ZFAT: variants seen among roughly 807,000 people sequenced by gnomAD.
The protein encoded by ZFAT is zinc finger protein ZFAT.
In ZFAT, 64 loss-of-function variants were observed where a neutral mutation model predicts 117.7. The observed-to-expected ratio is 0.54, with a 90% CI of 0.44 to 0.67. The LOEUF is 0.67. ZFAT is among the 30% of genes least tolerant of loss of function. The pLI, the probability that ZFAT is intolerant of heterozygous loss-of-function variation, is 0.00. For missense variants in ZFAT, 1,433 were observed against 1,584.5 expected, an observed-to-expected ratio of 0.90 and a Z score of 1.62; for synonymous variants, 679 against 615.0, an observed-to-expected ratio of 1.10 and a Z score of -1.54.
intron 9 of ZFAT, among the ~76,000 whole-genome samples, chr8:134,586,342 C>T (rs1826067022): frequency 6.6e-6 from 1 of 152,224 alleles, no homozygotes; most frequent in South Asian, 2.1e-4. Flanking sequence ...ATGTGCTAAG[C>T]CTTCTACTGA....
At chr8:134,751,128 A>G in the ZFAT span, among the ~76,000 whole-genome samples, 1 of 152,146 alleles carries the variant, frequency 6.6e-6, no homozygotes, top group Non-Finnish European at 1.5e-5. Context: ...AGCAGGAAAG[A>G]GCAGAACATG....
intron 3 of ZFAT, among the ~76,000 whole-genome samples, chr8:134,617,643 G>A (rs1828838756): frequency 6.6e-6 from 1 of 152,108 alleles, no homozygotes; most frequent in South Asian, 2.1e-4. Context: ...AAGGAATGCT[G>A]TCTACACTAC....
chr8:134,799,800 T>C, the ZFAT span, among the ~76,000 whole-genome samples: 6 of 152,312 alleles, frequency 3.9e-5, no homozygotes, highest in Non-Finnish European at 5.9e-5. Context: ...ATCATCTTTA[T>C]TGCAAAAATA....
chr8:134,732,412 G>A, the ZFAT span, among the ~76,000 whole-genome samples: 1 of 152,304 alleles, frequency 6.6e-6, no homozygotes, highest in East Asian at 1.9e-4. Flanking sequence ...TGATGAGGAA[G>A]GGGCTTGTCA....
the ZFAT span, among the ~76,000 whole-genome samples, chr8:134,764,323 T>C: frequency 6.6e-6 from 1 of 152,194 alleles, no homozygotes; most frequent in East Asian, 1.9e-4. Context: ...CAAATCTTTG[T>C]TTTGAAGGTT....
rs1308578247 is a variant in ZFAT at position 134,637,590 on chromosome 8, C to T, written c.319G>A (p.Glu107Lys). The change falls in exon 3 of 16, where the codon GAA (glutamate) becomes AAA (lysine). Residue 107 changes from glutamate (E) to lysine (K), a missense_variant. Around this residue, in one of 5 missense-constraint regions of ZFAT, gnomAD observed 436 missense variants for 482.0 expected, o/e 0.90. Coordinates refer to ENST00000377838, the MANE Select transcript of ZFAT (RefSeq NM_020863.4). ...PTEDSPLAPE[E>K]GNSLPPSSLE... ...CTGCTTGGAGGCAGGCTGTTCCCTT[C>T]CTCCGGAGCCAGCGGGCTGTCCTCA... is the stretch of plus-strand genomic sequence containing the variant. The T allele has an allele frequency of 3.7e-6, 6 of 1,614,244 alleles. No homozygotes were observed. The highest frequency in any genetic ancestry group is 5.1e-6 in the Non-Finnish European group (6 of 1,180,048).
upstream of ZFAT, among the ~76,000 whole-genome samples, chr8:134,714,459 C>T (rs1447495999): frequency 1.3e-5 from 2 of 152,076 alleles, no homozygotes; most frequent in Non-Finnish European, 2.9e-5. Flanking sequence ...ACACTTCGTT[C>T]TGGGGTCACT....
chr8:134,710,282 T>C (rs967729379), intron 1 of ZFAT, among the ~76,000 whole-genome samples: 9 of 152,208 alleles, frequency 5.9e-5, no homozygotes, highest in African/African-American at 2.2e-4. Flanking sequence ...AGGGCCCTCA[T>C]GCAAGTATGC....
chr8:134,650,781 AG>A (rs1354443076), intron 2 of ZFAT, among the ~76,000 whole-genome samples: 3 of 152,236 alleles, frequency 2.0e-5, no homozygotes, highest in African/African-American at 7.2e-5. Flanking sequence ...ATTTTTGACA[AG>A]GGTGCCAAAA....
At chr8:134,756,509 T>C in the ZFAT span, among the ~76,000 whole-genome samples, 1 of 152,242 alleles carries the variant, frequency 6.6e-6, no homozygotes, top group South Asian at 2.1e-4. Context: ...GTTTCCTTCA[T>C]TTAGAGTGAA....
chr8:134,745,142 C>T, the ZFAT span, among the ~76,000 whole-genome samples: 1 of 152,190 alleles, frequency 6.6e-6, no homozygotes, highest in Non-Finnish European at 1.5e-5. Flanking sequence ...AATCCCTTCA[C>T]CCCTTTACCT....
chr8:134,601,663 G>A lies in ZFAT; in HGVS notation c.2056C>T (p.Pro686Ser), dbSNP rs771902685. ...SNPAEASDLL[P>S]PVAGGGDTIT... ...GTGTCCCCACCACCAGCTACTGGAG[G>A]GAGGAGGTCTGAGGCCTCAGCTGGG... Residue 686 changes from proline (P) to serine (S), a missense_variant, in exon 6 of 16, where the codon CCT becomes TCT. By Grantham distance (74) the Pro-to-Ser change is moderately conservative. This residue lies in a region of ZFAT where 372 missense variants were observed against 355.6 expected (regional missense o/e 1.05). Coordinates refer to ENST00000377838, the MANE Select transcript of ZFAT (RefSeq NM_020863.4). 3 of 1,614,182 alleles carry A rather than the reference G, an allele frequency of 1.9e-6. No homozygotes were observed. The South Asian group carries it at 3.3e-5, about 18-fold the overall frequency.
rs147013326 is a variant in ZFAT, at chr8:134,522,854, G to A, written c.3116-1853C>T. 1.1e-3 allele frequency among the ~76,000 whole-genome samples: 173 copies of A among 152,164 alleles called. 1 individual carries two copies. The highest frequency in any genetic ancestry group is 3.9e-3 in the African/African-American group (162 of 41,506). ...TCATTAAGTCCCCTATACTATTGTC[G>A]ACTTCCTCTTTCAATCTCAGCCTCA... is the stretch of plus-strand genomic sequence containing the variant. On this transcript the variant is annotated intron_variant, in intron 12 of 15. Coordinates refer to ENST00000377838, the MANE Select transcript of ZFAT (RefSeq NM_020863.4).
At chr8:134,657,840 A>C (rs1586905374) in intron 1 of ZFAT, 103 bp from the exon 2 acceptor site, 88 of 1,208,622 alleles carry the variant, frequency 7.3e-5, no homozygotes, top group African/African-American at 1.5e-5. Context: ...CTGAGCCATC[A>C]CCAGCCTCTA....
chr8:134,512,809 T>A (rs140305966), intron 13 of ZFAT, among the ~76,000 whole-genome samples: 2 of 152,354 alleles, frequency 1.3e-5, no homozygotes, highest in East Asian at 3.9e-4. Flanking sequence ...CTTTAAAAAC[T>A]AGCTTTGGTA....
At chr8:134,681,003 T>C (rs994315189) in intron 1 of ZFAT, among the ~76,000 whole-genome samples, 5 of 152,216 alleles carry the variant, frequency 3.3e-5, no homozygotes, top group African/African-American at 9.6e-5. Context: ...CTGGATCTTC[T>C]GGAACAAACA....
At chr8:134,816,634 A>G in the ZFAT span, among the ~76,000 whole-genome samples, 1 of 152,216 alleles carries the variant, frequency 6.6e-6, no homozygotes, top group Non-Finnish European at 1.5e-5. Flanking sequence ...AAAGAAGGCT[A>G]AAGTATTTTT....
intron 2 of ZFAT, among the ~76,000 whole-genome samples, chr8:134,640,756 G>A (rs1444151410): frequency 1.3e-5 from 2 of 152,090 alleles, no homozygotes; most frequent in African/African-American, 4.8e-5. Context: ...AGATCCTCAA[G>A]ACCAATTAGC....
intron 11 of ZFAT, among the ~76,000 whole-genome samples, chr8:134,563,165 C>T (rs904064633): frequency 7.2e-5 from 11 of 152,296 alleles, no homozygotes; most frequent in Middle Eastern, 3.4e-3. Context: ...ACGCTAAAGA[C>T]GCTTCTTGAT....
Sources: allele counts gnomAD v4.1 joint callset (sites outside exome capture counted in the v4.1 genomes callset), GRCh38; gene constraint gnomAD v4.1.1; regional missense constraint gnomAD v4.1.1; transcripts MANE v1.5; gene names NCBI Gene and HGNC (gene_info 2026-07-23, HGNC 2026-07-21).